ARL15: variants seen among roughly 807,000 people sequenced by gnomAD.
ARL15 encodes the protein ARF like GTPase 15.
A neutral mutation model predicts 25.2 loss-of-function variants in ARL15; 19 were observed. The ratio of observed to expected loss-of-function variants is 0.75; its 90% CI spans 0.53 to 1.10. The LOEUF (loss-of-function observed/expected upper bound fraction) is 1.10, where lower values mean the gene tolerates loss of function less well. ARL15 is among the 50% of genes least tolerant of loss of function. ARL15 has a pLI of 0.00. For missense variants in ARL15, 220 were observed against 246.0 expected (o/e 0.89, Z 0.71); for synonymous variants, 94 against 86.8 (o/e 1.08, Z -0.46).
At chr5:54,112,983 T>A (rs762049153) in intron 4 of ARL15, 3 of 508,472 alleles carry the variant, frequency 5.9e-6, no homozygotes, top group Non-Finnish European at 1.0e-5. Context: ...TAACCATTGC[T>A]AAATAGCTAG....
In ARL15 at chr5:53,976,761, T is replaced by C. The variant is rs115142665; in HGVS notation, c.463-90048A>G. Among the ~76,000 whole-genome samples the C allele has an allele frequency of 4.9e-3, 739 of 152,334 alleles. 3 individuals carry two copies. The highest frequency in any genetic ancestry group is 8.6e-3 in the Admixed American group (132 of 15,302). Reference sequence around the variant, plus strand: ...ATGTCCGTTTCTAGAAGGAAAGTTCTATACATAGATCAAGGGAGGCAGGTG... The same window carrying C: ...ATGTCCGTTTCTAGAAGGAAAGTTCCATACATAGATCAAGGGAGGCAGGTG... On this transcript the variant is annotated intron_variant, in intron 4 of 4. Transcript: ENST00000504924.
chr5:54,300,001 C>A (rs2112710099), intron 1 of ARL15, among the ~76,000 whole-genome samples: 1 of 152,282 alleles, frequency 6.6e-6, no homozygotes, highest in African/African-American at 2.4e-5. Flanking sequence ...ACTCTAAAGT[C>A]AAACTTCTCC....
chr5:53,920,377 T>C (rs183201751), intron 4 of ARL15, among the ~76,000 whole-genome samples: 1 of 152,184 alleles, frequency 6.6e-6, no homozygotes, highest in Non-Finnish European at 1.5e-5. Context: ...GTTCTTGTCA[T>C]TTTGTTAAAA....
rs79231399 is a variant in ARL15, at chr5:54,247,176, T to C, written c.48+63256A>G. Among the ~76,000 whole-genome samples the C allele has an allele frequency of 9.9e-3, 1,507 of 152,198 alleles. 9 individuals are homozygous for C. The highest frequency in any genetic ancestry group is 0.02 in the Middle Eastern group (6 of 294). On this transcript the variant is annotated intron_variant, in intron 1 of 4. Transcript: ENST00000504924. ...GCCACTGGATAGTCATGAAGATGAA[T>C]AATTTCCTATTAAAAGTAACCTAGA...
chr5:54,203,351 C>T (rs1210818315), intron 1 of ARL15, among the ~76,000 whole-genome samples: 1 of 152,170 alleles, frequency 6.6e-6, no homozygotes, highest in Non-Finnish European at 1.5e-5. Flanking sequence ...TTAACATTAA[C>T]TATATAGCAT....
chr5:53,963,903 A>T (rs1204727543), intron 4 of ARL15, among the ~76,000 whole-genome samples: 2 of 152,066 alleles, frequency 1.3e-5, no homozygotes, highest in Non-Finnish European at 2.9e-5. Context: ...TGCCACGAGA[A>T]TTCTGGAAAT....
intron 1 of ARL15, among the ~76,000 whole-genome samples, chr5:54,288,544 T>C (rs1324681974): frequency 1.3e-5 from 2 of 152,218 alleles, no homozygotes; most frequent in African/African-American, 2.4e-5. Flanking sequence ...GTTGAGAGAA[T>C]GTGACAGAAC....
At chr5:54,121,284 T>G (rs939038472) in intron 3 of ARL15, among the ~76,000 whole-genome samples, 14 of 152,164 alleles carry the variant, frequency 9.2e-5, no homozygotes, top group Non-Finnish European at 2.1e-4. Flanking sequence ...ACTGTCTCTA[T>G]GACATTCTTT....
At chr5:53,937,034 A>C (rs574843009) in intron 4 of ARL15, among the ~76,000 whole-genome samples, 1 of 152,302 alleles carries the variant, frequency 6.6e-6, no homozygotes, top group South Asian at 2.1e-4. Flanking sequence ...GAAAAAACTC[A>C]ATACTCTTTG....
At chr5:54,092,782 A>T (rs1057277546) in intron 4 of ARL15, among the ~76,000 whole-genome samples, 4 of 152,204 alleles carry the variant, frequency 2.6e-5, no homozygotes, top group African/African-American at 9.6e-5. Context: ...TCCAATCCAG[A>T]GGATCTTTAG....
intron 1 of ARL15, among the ~76,000 whole-genome samples, chr5:54,295,581 C>CA (rs1332393706): frequency 6.6e-6 from 1 of 151,804 alleles, no homozygotes; most frequent in Non-Finnish European, 1.5e-5. Context: ...ATAGAAATCC[C>CA]AAAAAATTAT....
At chr5:54,264,258 C>T (rs1170402558) in intron 1 of ARL15, among the ~76,000 whole-genome samples, 1 of 152,174 alleles carries the variant, frequency 6.6e-6, no homozygotes, top group Non-Finnish European at 1.5e-5. Context: ...CGCACATCCA[C>T]TCCATGAGAA....
intron 1 of ARL15, among the ~76,000 whole-genome samples, chr5:54,217,225 G>T (rs414182): frequency 6.8e-6 from 1 of 147,392 alleles, no homozygotes; most frequent in African/African-American, 2.5e-5. Context: ...TAAAAAGGGA[G>T]AAAACACTAC....
rs762658214 is a variant in ARL15, at chr5:54,054,402, C to G, written c.462+58800G>C. ...AAAATCTGGAAACAAAGCAAATGTC[C>G]CAAATAAATAAACAGTGGTATAGCT... On this transcript the variant is annotated intron_variant, in intron 4 of 4. Transcript: ENST00000504924. 4.0e-5 allele frequency among the ~76,000 whole-genome samples: 6 copies of G among 151,816 alleles called. No homozygotes were observed. In the South Asian group the frequency reaches 8.3e-4, roughly 21 times the overall value.
intron 4 of ARL15, among the ~76,000 whole-genome samples, chr5:53,922,688 T>C (rs1345709431): frequency 6.6e-6 from 1 of 152,192 alleles, no homozygotes; most frequent in African/African-American, 2.4e-5. Flanking sequence ...GGCCAGTACG[T>C]CAATATTTTA....
At chr5:54,010,898 G>A (rs1749216490) in intron 4 of ARL15, among the ~76,000 whole-genome samples, 1 of 151,692 alleles carries the variant, frequency 6.6e-6, no homozygotes, top group African/African-American at 2.4e-5. Flanking sequence ...ACTCGGAGAG[G>A]ATGAGGCCGG....
chr5:54,030,591 A>G (rs1749949720), intron 4 of ARL15, among the ~76,000 whole-genome samples: 1 of 152,226 alleles, frequency 6.6e-6, no homozygotes, highest in South Asian at 2.1e-4. Flanking sequence ...TCTGGGAAGC[A>G]TCACCAGCTA....
chr5:54,080,022 C>T (rs1298543486), intron 4 of ARL15, among the ~76,000 whole-genome samples: 1 of 145,144 alleles, frequency 6.9e-6, no homozygotes, highest in Non-Finnish European at 1.5e-5. Flanking sequence ...CACACAGACA[C>T]AGATGTATAT....
At chr5:54,118,510 T>C (rs974476134) in intron 3 of ARL15, among the ~76,000 whole-genome samples, 1 of 152,224 alleles carries the variant, frequency 6.6e-6, no homozygotes, top group Admixed American at 6.5e-5. Context: ...ATTTCTGACA[T>C]GGCACATATG....
Sources: gnomAD v4.1 joint callset for allele counts (sites outside exome capture counted in the v4.1 genomes callset) on GRCh38, gnomAD v4.1.1 for gene constraint, MANE v1.5 for transcripts, NCBI Gene and HGNC (gene_info 2026-07-23, HGNC 2026-07-21) for gene names.